The following LRRD1 variants were observed in gnomAD, a reference collection of about 807,000 sequenced individuals.
The protein encoded by LRRD1 is leucine rich repeats and death domain containing 1.
A neutral mutation model predicts 69.5 loss-of-function variants in LRRD1; 49 were observed. The ratio of observed to expected loss-of-function variants is 0.70; its 90% CI spans 0.56 to 0.89. The LOEUF (loss-of-function observed/expected upper bound fraction) is 0.89. LRRD1 is among the 40% of genes least tolerant of loss of function. LRRD1 has a pLI of 0.00. For synonymous variants in LRRD1, 303 were observed against 338.9 expected, an observed-to-expected ratio of 0.89 and a Z score of 1.16; for missense variants, 853 against 956.0, an observed-to-expected ratio of 0.89 and a Z score of 1.42.
At position 92,159,189 on chromosome 7, in the gene LRRD1, T is replaced by C. The variant is rs1788745322; in HGVS notation, c.1932A>G (p.Pro644=). 2.0e-6 allele frequency: 3 copies of C among 1,504,660 alleles called. No individual in the cohort carries two copies. Among genetic ancestry groups the C allele is most frequent in the Non-Finnish European group, 2.7e-6 (3 of 1,129,352 alleles). The allele number at this position is 1,504,660 out of a possible 1,614,324, so 93.2% of individuals were successfully genotyped here. A position where few individuals can be genotyped will look rare whatever the true frequency, so the allele number is the denominator to read the frequency against. Residue 644 remains proline (P), a synonymous_variant, in exon 3 of 6, where the codon CCA becomes CCG. Transcript: ENST00000458448. ...QIKGRKLTRL[P]GELSNMTQLK... ...GTTGAGTCATATTAGATAGCTCTCC[T>C]GGAAGTCTTGTTAGCTGTAACAAAG...
chr7:92,162,810 A>G (rs952109183), intron 2 of LRRD1, among the ~76,000 whole-genome samples: 2 of 152,218 alleles, frequency 1.3e-5, no homozygotes, highest in Admixed American at 1.3e-4. Context: ...AAAAAGAAGA[A>G]TTTAAAATTG....
rs1338123919 is a variant in LRRD1, at chr7:92,163,277, G to A, written c.1917+9C>T. On this transcript the variant is annotated intron_variant, in intron 2 of 5. Transcript: ENST00000458448. ...CTTCCCCACAAAGCCCACAATACCA[G>A]TCTCTTACCTTTCTCCCTTTTATCT... 2 of 1,436,014 alleles carry A rather than the reference G, an allele frequency of 1.4e-6. No homozygotes were observed. Among genetic ancestry groups the A allele is most frequent in the Non-Finnish European group, 1.8e-6 (2 of 1,091,218 alleles). The allele number at this position is 1,436,014 out of a possible 1,614,324, so 89.0% of individuals were successfully genotyped here.
intron 3 of LRRD1, among the ~76,000 whole-genome samples, chr7:92,155,413 T>C (rs1257523593): frequency 6.6e-6 from 1 of 152,142 alleles, no homozygotes; most frequent in African/African-American, 2.4e-5. Flanking sequence ...ATTTCTGGAA[T>C]TTCCCAGTTA....
chr7:92,160,900 G>A (rs1300751189), intron 2 of LRRD1, among the ~76,000 whole-genome samples: 1 of 152,126 alleles, frequency 6.6e-6, no homozygotes, highest in East Asian at 1.9e-4. Flanking sequence ...AATAACAATG[G>A]CCAGTGAGAA....
chr7:92,165,459 CAT>C (rs1488868139), intron 1 of LRRD1, among the ~76,000 whole-genome samples, 183 bp from the exon 2 acceptor site: 4 of 152,056 alleles, frequency 2.6e-5, no homozygotes, highest in African/African-American at 4.8e-5. Context: ...GTACTTATCA[CAT>C]GTTACTCTTG....
chr7:92,167,849 C>T (rs1359853354), intron 1 of LRRD1, among the ~76,000 whole-genome samples: 1 of 122,676 alleles, frequency 8.2e-6, no homozygotes, highest in Admixed American at 1.0e-4. Flanking sequence ...TGCACTCCAG[C>T]CTGGGCAACA....
At chr7:92,147,700 A>T (rs972505960) in intron 4 of LRRD1, among the ~76,000 whole-genome samples, 1 of 152,004 alleles carries the variant, frequency 6.6e-6, no homozygotes, top group African/African-American at 2.4e-5. Flanking sequence ...TTTGAACAAG[A>T]TCCATTTTTT....
chr7:92,176,368 A>G (rs984641051), intron 1 of LRRD1, among the ~76,000 whole-genome samples: 2 of 152,198 alleles, frequency 1.3e-5, no homozygotes, highest in Non-Finnish European at 2.9e-5. Flanking sequence ...ACAACTTTAT[A>G]CATTCTCCTA....
rs1258432603 is a variant in LRRD1 at position 92,151,998 on chromosome 7, C to T, written c.2117-1303G>A. 2.0e-5 allele frequency among the ~76,000 whole-genome samples: 3 copies of T among 149,140 alleles called. No homozygotes were observed. In the East Asian group the frequency reaches 5.8e-4, roughly 29 times the overall value. On this transcript the variant is annotated intron_variant, in intron 3 of 5. Coordinates refer to ENST00000458448, the MANE Select transcript of LRRD1 (RefSeq NM_001161528.2). ...ACTGTGGTAAAAATGAATTTGTAGT[C>T]ATTTAGAGAGGCCTAAAATTTGCCT...
chr7:92,170,456 C>T (rs1039669906), intron 1 of LRRD1, among the ~76,000 whole-genome samples: 3 of 152,056 alleles, frequency 2.0e-5, no homozygotes, highest in African/African-American at 7.2e-5. Context: ...AAACAAAGGT[C>T]AAAGACAAAG....
At chr7:92,153,272 C>G (rs1226411153) in intron 3 of LRRD1, among the ~76,000 whole-genome samples, 1 of 151,158 alleles carries the variant, frequency 6.6e-6, no homozygotes. Context: ...ACTATGTTGG[C>G]TAGGCTGATC....
chr7:92,162,831 C>CAAAA (rs975616284), intron 2 of LRRD1, among the ~76,000 whole-genome samples: 1 of 152,040 alleles, frequency 6.6e-6, no homozygotes, highest in African/African-American at 2.4e-5. Context: ...AGTGTGTAGT[C>CAAAA]TTTTATAATT....
intron 4 of LRRD1, among the ~76,000 whole-genome samples, chr7:92,147,579 A>G (rs1820360372): frequency 6.6e-6 from 1 of 152,218 alleles, no homozygotes; most frequent in Non-Finnish European, 1.5e-5. Flanking sequence ...CTAAGTTCAC[A>G]TCTACTATAA....
intron 2 of LRRD1, among the ~76,000 whole-genome samples, chr7:92,161,036 G>T (rs1186396021): frequency 6.6e-6 from 1 of 152,178 alleles, no homozygotes; most frequent in Non-Finnish European, 1.5e-5. Context: ...AAACAGATAG[G>T]TGGGTTCAGT....
chr7:92,164,920 CT>C lies in LRRD1; in HGVS notation c.282del (p.Gly95GlufsTer9). 6.4e-7 allele frequency: 1 copy of C among 1,551,492 alleles called. No individual in the cohort carries two copies. Among genetic ancestry groups the C allele is most frequent in the Non-Finnish European group, 8.7e-7 (1 of 1,146,908 alleles). On this transcript the variant is annotated frameshift_variant, in exon 2 of 6. Transcript: ENST00000458448. LOFTEE classifies it high-confidence loss of function. ...AGTGATGATAAACTCTGTGAAGTTC[CT>C]GTTCTAGTGCTTGTTTCAGAAAATT... is the stretch of plus-strand genomic sequence containing the variant. ...NLQFSETSTR[T>X]GTSQSLSSLT... is the part of the protein sequence containing the mutation.
intron 1 of LRRD1, among the ~76,000 whole-genome samples, chr7:92,165,778 T>C (rs1437651145): frequency 6.7e-6 from 1 of 150,040 alleles, no homozygotes; most frequent in African/African-American, 2.5e-5. Context: ...GGAGAATTGC[T>C]TGAACCCGGG....
At position 92,164,505 on chromosome 7, in the gene LRRD1, A is replaced by G; in HGVS notation, c.698T>C (p.Leu233Pro). 1 of 1,550,182 alleles carries G rather than the reference A, an allele frequency of 6.5e-7. No individual in the cohort carries two copies. The highest frequency in any genetic ancestry group is 8.7e-7 in the Non-Finnish European group (1 of 1,146,120). The change falls in exon 2 of 6, where the codon CTT (leucine) becomes CCT (proline). Residue 233 changes from leucine (L) to proline (P), a missense_variant. Physicochemically the swap from Leu to Pro is moderately conservative, Grantham distance 98. Transcript: ENST00000458448. ...ISHIPKEISQ[L>P]GNIRQLFFYN... Reference sequence around the variant, plus strand: ...AAAAAAGAGTTGTCTGATATTCCCAAGCTGAGATATTTCTTTAGGTATATG... The same window carrying G: ...AAAAAAGAGTTGTCTGATATTCCCAGGCTGAGATATTTCTTTAGGTATATG...
chr7:92,157,852 C>T (rs1277897938), intron 3 of LRRD1, among the ~76,000 whole-genome samples: 2 of 151,906 alleles, frequency 1.3e-5, no homozygotes, highest in East Asian at 3.9e-4. Flanking sequence ...GCTGGAATTA[C>T]AGGCATGAGC....
chr7:92,178,545 C>T (rs1017913026), intron 1 of LRRD1, among the ~76,000 whole-genome samples: 44 of 151,838 alleles, frequency 2.9e-4, no homozygotes, highest in African/African-American at 9.9e-4. Context: ...CGGCGCGCGC[C>T]TGTAATCCTA....
Sources: gnomAD v4.1 joint callset for allele counts (sites outside exome capture counted in the v4.1 genomes callset) on GRCh38, gnomAD v4.1.1 for gene constraint, MANE v1.5 for transcripts, NCBI Gene and HGNC (gene_info 2026-07-23, HGNC 2026-07-21) for gene names.